The following PLA2G4A variants were observed in gnomAD, a reference collection of about 807,000 sequenced individuals.
The protein encoded by PLA2G4A is phospholipase A2 group IVA.
A neutral mutation model predicts 81.9 loss-of-function variants in PLA2G4A; 40 were observed. The observed-to-expected ratio is 0.49, with a 90% confidence interval of 0.38 to 0.64. The LOEUF is 0.64. PLA2G4A is among the 30% of genes least tolerant of loss of function. The probability of loss-of-function intolerance (pLI) is 0.00; values close to 1 mark genes in which losing one functional copy is unlikely to be tolerated. For synonymous variants in PLA2G4A, 302 were observed against 296.9 expected (o/e 1.02, Z -0.18); for missense variants, 715 against 905.1 (o/e 0.79, Z 2.69).
chr1:186,928,640 A>G (rs1209127889), intron 7 of PLA2G4A, among the ~76,000 whole-genome samples: 1 of 152,220 alleles, frequency 6.6e-6, no homozygotes, highest in Non-Finnish European at 1.5e-5. Flanking sequence ...TGTTTCTTTG[A>G]AAAACCCTGA....
intron 15 of PLA2G4A, among the ~76,000 whole-genome samples, chr1:186,975,210 A>G (rs1390319426): frequency 1.3e-5 from 2 of 152,258 alleles, no homozygotes; most frequent in African/African-American, 4.8e-5. Context: ...GAAAAAAAGA[A>G]GAGATTGGTG....
intron 1 of PLA2G4A, among the ~76,000 whole-genome samples, chr1:186,831,804 A>G (rs1337887171): frequency 6.6e-6 from 1 of 151,834 alleles, no homozygotes. Context: ...GCATCAGCAA[A>G]GAGACAGACA....
chr1:186,926,919 A>G (rs1655570621), intron 7 of PLA2G4A, among the ~76,000 whole-genome samples: 1 of 152,200 alleles, frequency 6.6e-6, no homozygotes, highest in Non-Finnish European at 1.5e-5. Context: ...GTGGTCAATA[A>G]TTGTTAAATT....
intron 2 of PLA2G4A, among the ~76,000 whole-genome samples, chr1:186,866,829 A>G (rs1169570129): frequency 6.6e-6 from 1 of 152,118 alleles, no homozygotes. Flanking sequence ...GGAGAAAGCT[A>G]ATTTTTAAGT....
At chr1:186,954,435 G>C (rs780560423) in intron 13 of PLA2G4A, among the ~76,000 whole-genome samples, 73 of 152,070 alleles carry the variant, frequency 4.8e-4, no homozygotes, top group Non-Finnish European at 3.5e-4. Flanking sequence ...ACCAGGGCCT[G>C]TCAGGGTGTG....
intron 7 of PLA2G4A, among the ~76,000 whole-genome samples, chr1:186,921,649 G>C (rs1268111893): frequency 4.6e-5 from 7 of 152,066 alleles, no homozygotes; most frequent in Non-Finnish European, 1.0e-4. Flanking sequence ...TGGAGGTGTA[G>C]GTGCTGTGGC....
intron 3 of PLA2G4A, among the ~76,000 whole-genome samples, chr1:186,890,382 G>A (rs1003424788): frequency 1.7e-4 from 26 of 152,108 alleles, no homozygotes; most frequent in Middle Eastern, 3.4e-3. Context: ...TAAAGGATTC[G>A]GTGGAATCCT....
rs577570099 is a variant in PLA2G4A, at chr1:186,879,177, A to G, written c.115+8661A>G. Among the ~76,000 whole-genome samples, 7 of 152,062 alleles carry G rather than the reference A, an allele frequency of 4.6e-5. No individual in the cohort carries two copies. The South Asian group carries it at 1.4e-3, about 31-fold the overall frequency. On this transcript the variant is annotated intron_variant, in intron 3 of 17. Transcript: ENST00000367466. ...CTCACTCCTCACTTAATATATCAATATATTTTAATGAAATAATTTAGATAA... is the reference window on the plus strand; with the variant it reads ...CTCACTCCTCACTTAATATATCAATGTATTTTAATGAAATAATTTAGATAA...
chr1:186,911,141 A>T, intron 6 of PLA2G4A, 107 bp from the exon 7 acceptor site: 1 of 861,014 alleles, frequency 1.2e-6, no homozygotes, highest in Admixed American at 1.7e-5. Context: ...TGAGGGAAGC[A>T]GTCAGCATAT....
intron 7 of PLA2G4A, among the ~76,000 whole-genome samples, chr1:186,930,281 G>A (rs183967364): frequency 6.6e-6 from 1 of 152,276 alleles, no homozygotes; most frequent in African/African-American, 2.4e-5. Context: ...GACAACAGAA[G>A]TATCTGAATT....
chr1:186,883,668 A>C (rs1653824411), intron 3 of PLA2G4A, among the ~76,000 whole-genome samples: 1 of 152,286 alleles, frequency 6.6e-6, no homozygotes, highest in African/African-American at 2.4e-5. Context: ...TGAAAGATAT[A>C]GAGGAACTAT....
intron 14 of PLA2G4A, among the ~76,000 whole-genome samples, chr1:186,959,452 T>C (rs1232316704): frequency 6.6e-6 from 1 of 152,196 alleles, no homozygotes; most frequent in Non-Finnish European, 1.5e-5. Context: ...GAAAGAACTT[T>C]ACATTTTATT....
At chr1:186,953,263 A>G (rs72711885) in intron 13 of PLA2G4A, among the ~76,000 whole-genome samples, 38,608 of 152,040 alleles carry the variant, frequency 0.25, 5,400 homozygotes, top group Admixed American at 0.4. Flanking sequence ...GGTCATTCTA[A>G]TAGGTATGTA....
intron 6 of PLA2G4A, among the ~76,000 whole-genome samples, chr1:186,908,968 C>CTTTTTTTTTTTTTTTTTTTTTTTTTT (rs1201226836): frequency 1.3e-5 from 1 of 75,090 alleles, no homozygotes; most frequent in Non-Finnish European, 2.4e-5. Context: ...CTTTTCTTTT[C>CTTTTTTTTTTTTTTTTTTTTTTTTTT]TTTTTTTTTT....
chr1:186,936,607 T>A (rs1437924591), intron 8 of PLA2G4A, among the ~76,000 whole-genome samples: 1 of 151,990 alleles, frequency 6.6e-6, no homozygotes, highest in East Asian at 1.9e-4. Flanking sequence ...GCACAAAAAT[T>A]CTAAATGTTT....
intron 10 of PLA2G4A, among the ~76,000 whole-genome samples, chr1:186,944,886 A>C (rs976722643): frequency 2.0e-5 from 3 of 152,162 alleles, no homozygotes; most frequent in Admixed American, 6.6e-5. Flanking sequence ...GAATTATAAG[A>C]GCCCCCACTA....
chr1:186,943,005 T>A (rs1571426059), intron 10 of PLA2G4A, among the ~76,000 whole-genome samples: 1 of 152,178 alleles, frequency 6.6e-6, no homozygotes, highest in Non-Finnish European at 1.5e-5. Flanking sequence ...TTACTTGAGT[T>A]ACTGGGAAAA....
intron 3 of PLA2G4A, among the ~76,000 whole-genome samples, chr1:186,871,387 A>T (rs1653262321): frequency 6.6e-6 from 1 of 152,182 alleles, no homozygotes. Flanking sequence ...ATAATGTCTT[A>T]GATTTAACAT....
intron 1 of PLA2G4A, among the ~76,000 whole-genome samples, chr1:186,831,020 T>C (rs201212905): frequency 1.4e-5 from 2 of 147,704 alleles, no homozygotes; most frequent in East Asian, 2.0e-4. Flanking sequence ...CTTTCTTTCT[T>C]TTTCTTTCTT....
Sources: gnomAD v4.1 joint callset for allele counts (sites outside exome capture counted in the v4.1 genomes callset) on GRCh38, gnomAD v4.1.1 for gene constraint, MANE v1.5 for transcripts, NCBI Gene and HGNC (gene_info 2026-07-23, HGNC 2026-07-21) for gene names.